The following CMSS1 variants were observed in gnomAD, a reference collection of about 807,000 sequenced individuals.
CMSS1 encodes the protein protein CMSS1.
Under a neutral mutation model 43.5 loss-of-function variants are expected in CMSS1, and 33 were observed. That is an observed-to-expected ratio of 0.76 (90% confidence interval 0.57 to 1.01). The LOEUF is 1.01. Among genes scored for constraint, CMSS1 ranks in the 50% least tolerant of loss-of-function variants. CMSS1 has a pLI of 0.00. For missense variants in CMSS1, 313 were observed against 326.4 expected, an observed-to-expected ratio of 0.96 and a Z score of 0.32; for synonymous variants, 115 against 117.2, an observed-to-expected ratio of 0.98 and a Z score of 0.12.
At chr3:100,112,856 T>C (rs1402150884) in intron 1 of CMSS1, among the ~76,000 whole-genome samples, 13 of 152,228 alleles carry the variant, frequency 8.5e-5, no homozygotes, top group Admixed American at 2.0e-4. Context: ...AGTTTCATAA[T>C]AGTGTCAACT....
Position 100,116,654 on chromosome 3 carries a change from A to G in CMSS1, c.65-30319A>G, listed in dbSNP as rs575328499. On this transcript the variant is annotated intron_variant, in intron 1 of 9. Transcript: ENST00000421999. ...CGCGCCTATATCTGTTGCTCTGTCTATTTATATTAAAGACTATGAGATCAC... is the reference window on the plus strand; with the variant it reads ...CGCGCCTATATCTGTTGCTCTGTCTGTTTATATTAAAGACTATGAGATCAC... Among the ~76,000 whole-genome samples the G allele has an allele frequency of 1.1e-4, 17 of 152,338 alleles. No individual in the cohort carries two copies. In the East Asian group the frequency reaches 2.7e-3, roughly 24 times the overall value.
intron 9 of CMSS1, among the ~76,000 whole-genome samples, chr3:100,177,304 A>G (rs2067155578): frequency 6.6e-6 from 1 of 152,218 alleles, no homozygotes; most frequent in South Asian, 2.1e-4. Flanking sequence ...ACACATACAC[A>G]GTCGTGCATT....
At chr3:99,949,007 A>G (rs554425738) in intron 1 of CMSS1, among the ~76,000 whole-genome samples, 18 of 152,328 alleles carry the variant, frequency 1.2e-4, no homozygotes, top group South Asian at 4.1e-4. Context: ...AGATATATCC[A>G]GAATCCTTTA....
chr3:99,930,924 G>A (rs907136041), intron 1 of CMSS1: 13 of 1,613,446 alleles, frequency 8.1e-6, no homozygotes, highest in Non-Finnish European at 1.1e-5. Context: ...TGCTGTCTAT[G>A]CTTCATGTTT....
intron 6 of CMSS1, among the ~76,000 whole-genome samples, chr3:100,171,456 A>T (rs2067109207): frequency 6.6e-6 from 1 of 152,018 alleles, no homozygotes; most frequent in Non-Finnish European, 1.5e-5. Flanking sequence ...CCGCTCCAAG[A>T]TATCTTTTGC....
At position 100,058,745 on chromosome 3, in the gene CMSS1, G is replaced by A. The variant is rs144146179; in HGVS notation, c.65-88228G>A. Among the ~76,000 whole-genome samples, 1,114 of 152,326 alleles carry A rather than the reference G, an allele frequency of 7.3e-3. 7 individuals are homozygous for A. The highest frequency in any genetic ancestry group is 0.012 in the Non-Finnish European group (813 of 68,032). ...GACTGTCCCACTCAGAGGCTTTTCA[G>A]TAGAAGGAGGACGCTGTATAACCTC... On this transcript the variant is annotated intron_variant, in intron 1 of 9. Transcript: ENST00000421999.
At position 99,843,967 on chromosome 3, in the gene CMSS1, C is replaced by A. The variant is rs557123696; in HGVS notation, c.64+25924C>A. 3.9e-5 allele frequency among the ~76,000 whole-genome samples: 6 copies of A among 152,272 alleles called. No individual in the cohort carries two copies. In the South Asian group the frequency reaches 1.2e-3, roughly 32 times the overall value. On this transcript the variant is annotated intron_variant, in intron 1 of 9. Coordinates refer to ENST00000421999, the MANE Select transcript of CMSS1 (RefSeq NM_032359.4). ...GCTAATGCCTAATGATCTGAGTGGA[C>A]AGTTTCATCCTGAAACCATCCCCCC... is the stretch of plus-strand genomic sequence containing the variant.
rs1404421662 is a variant in CMSS1 at position 100,180,796 on chromosome 3, T to C, written c.*2408T>C. ...CTTCCACATTTTTTAGGTATCTTTA[T>C]AGAAATGTCCCACTTCTCTGGTACC... On this transcript the variant is annotated 3_prime_UTR_variant, in exon 10 of 10. Coordinates refer to ENST00000421999, the MANE Select transcript of CMSS1 (RefSeq NM_032359.4). 1 of 152,246 alleles carries C rather than the reference T, an allele frequency of 6.6e-6. No homozygotes were observed. The highest frequency in any genetic ancestry group is 1.9e-4 in the East Asian group (1 of 5,206). The allele number at this position is 152,246 out of a possible 1,614,324, so 9.4% of individuals were successfully genotyped here. A position where few individuals can be genotyped will look rare whatever the true frequency, so the allele number is the denominator to read the frequency against.
intron 1 of CMSS1, among the ~76,000 whole-genome samples, chr3:100,018,723 GT>G (rs1710415805): frequency 1.8e-5 from 2 of 108,124 alleles, no homozygotes; most frequent in African/African-American, 3.5e-5. Flanking sequence ...AAACTTAAAA[GT>G]TTCCGCATAG....
chr3:99,965,652 C>T (rs777389998), intron 1 of CMSS1, among the ~76,000 whole-genome samples: 8 of 152,118 alleles, frequency 5.3e-5, no homozygotes, highest in Non-Finnish European at 1.2e-4. Flanking sequence ...ATGGCCAACT[C>T]GGAGATTCAT....
chr3:99,911,729 T>A lies in CMSS1; in HGVS notation c.64+93686T>A, dbSNP rs145821482. On this transcript the variant is annotated intron_variant, in intron 1 of 9. Transcript: ENST00000421999. Reference sequence around the variant, plus strand: ...TCTTTCTAATCAGATCCTTGAGCACTCTTGTACATGCCTCTGTTACAGCTC... The same window carrying A: ...TCTTTCTAATCAGATCCTTGAGCACACTTGTACATGCCTCTGTTACAGCTC... 5.6e-4 allele frequency among the ~76,000 whole-genome samples: 86 copies of A among 152,316 alleles called. 1 individual carries two copies. Among genetic ancestry groups the A allele is most frequent in the African/African-American group, 1.9e-3 (81 of 41,576 alleles).
At chr3:100,104,780 G>T (rs2066366823) in intron 1 of CMSS1, among the ~76,000 whole-genome samples, 1 of 152,108 alleles carries the variant, frequency 6.6e-6, no homozygotes, top group Admixed American at 6.6e-5. Flanking sequence ...AAAAAACAGG[G>T]ATGAAAAGAG....
intron 1 of CMSS1, chr3:99,848,803 T>C (rs764727815): frequency 6.2e-7 from 1 of 1,614,170 alleles, no homozygotes; most frequent in Non-Finnish European, 8.5e-7. Context: ...GGTTTTGGAC[T>C]TTACTGGTGT....
chr3:100,083,353 G>A (rs1451185167), intron 1 of CMSS1, among the ~76,000 whole-genome samples: 3 of 152,240 alleles, frequency 2.0e-5, no homozygotes, highest in Non-Finnish European at 4.4e-5. Context: ...GTGTGGAACA[G>A]CAGCATCAGC....
At chr3:100,118,312 CTTATA>C (rs976256147) in intron 1 of CMSS1, among the ~76,000 whole-genome samples, 6 of 151,752 alleles carry the variant, frequency 4.0e-5, no homozygotes, top group South Asian at 2.1e-4. Flanking sequence ...ACATACACGG[CTTATA>C]TTATATCTCT....
chr3:100,060,346 C>T (rs924819614), intron 1 of CMSS1, among the ~76,000 whole-genome samples: 2 of 152,170 alleles, frequency 1.3e-5, no homozygotes, highest in Admixed American at 1.3e-4. Flanking sequence ...CCTCTTCCAT[C>T]CCTTTATACC....
intron 1 of CMSS1, among the ~76,000 whole-genome samples, chr3:100,049,908 G>T (rs1442708196): frequency 6.6e-6 from 1 of 152,052 alleles, no homozygotes; most frequent in African/African-American, 2.4e-5. Flanking sequence ...GTTAAGTTTG[G>T]GGGGAGTCAA....
intron 1 of CMSS1, among the ~76,000 whole-genome samples, chr3:99,916,673 C>G (rs1373017804): frequency 1.3e-5 from 2 of 152,078 alleles, no homozygotes; most frequent in Non-Finnish European, 2.9e-5. Context: ...ATGCTTTGCC[C>G]AAGGTCAAAT....
At chr3:99,954,072 A>T (rs533227452) in intron 1 of CMSS1, among the ~76,000 whole-genome samples, 1 of 152,384 alleles carries the variant, frequency 6.6e-6, no homozygotes, top group Admixed American at 6.5e-5. Context: ...GTGGCATCTC[A>T]GTTTGTAGCA....
Sources: gnomAD v4.1 joint callset for allele counts (sites outside exome capture counted in the v4.1 genomes callset) on GRCh38, gnomAD v4.1.1 for gene constraint, MANE v1.5 for transcripts, NCBI Gene and HGNC (gene_info 2026-07-23, HGNC 2026-07-21) for gene names.